ARSB: variants seen among roughly 807,000 people sequenced by gnomAD.
ARSB encodes the protein arylsulfatase B.
Under a neutral mutation model 50.9 loss-of-function variants are expected in ARSB, and 41 were observed. The ratio of observed to expected loss-of-function variants is 0.81; its 90% CI spans 0.63 to 1.04. The LOEUF (loss-of-function observed/expected upper bound fraction) is 1.04, where lower values mean the gene tolerates loss of function less well. Ranked by LOEUF, ARSB falls within the 50% of genes least tolerant of loss-of-function variation. ARSB has a pLI of 0.00. For missense variants in ARSB, 672 were observed against 693.3 expected (o/e 0.97, Z 0.35); for synonymous variants, 269 against 284.8 (o/e 0.94, Z 0.56).
intron 2 of ARSB, among the ~76,000 whole-genome samples, chr5:78,968,129 T>C (rs139386212): frequency 8.7e-4 from 132 of 152,008 alleles, no homozygotes; most frequent in African/African-American, 3.1e-3. Flanking sequence ...CCTCCTCATT[T>C]TCCTTTGTTT....
chr5:78,786,238 G>A (rs899296934), intron 6 of ARSB, among the ~76,000 whole-genome samples: 12 of 152,154 alleles, frequency 7.9e-5, no homozygotes, highest in Admixed American at 6.5e-5. Flanking sequence ...ATATAAATAG[G>A]ATCAGACAAT....
intron 5 of ARSB, among the ~76,000 whole-genome samples, chr5:78,851,724 C>G (rs1435611973): frequency 1.3e-5 from 2 of 152,188 alleles, no homozygotes; most frequent in Non-Finnish European, 2.9e-5. Context: ...TCAGGACTTG[C>G]TTTATGCATC....
chr5:78,810,963 A>C lies in ARSB; in HGVS notation c.1213+28393T>G, dbSNP rs181850374. On this transcript the variant is annotated intron_variant, in intron 6 of 7. Transcript: ENST00000264914. ...TAGCAATACAAGAAAAGTTAGGTAA[A>C]GTTTCTATAGAAAATTCAGATCCTA... Among the ~76,000 whole-genome samples, 77 of 152,366 alleles carry C rather than the reference A, an allele frequency of 5.1e-4. 2 individuals carry two copies. Among genetic ancestry groups the C allele is most frequent in the African/African-American group, 1.8e-3 (75 of 41,582 alleles).
At chr5:78,826,812 G>A (rs547016196) in intron 6 of ARSB, among the ~76,000 whole-genome samples, 90 of 152,188 alleles carry the variant, frequency 5.9e-4, no homozygotes, top group Non-Finnish European at 9.4e-4. Context: ...ATAAGTGAGA[G>A]AGATACTAAC....
intron 3 of ARSB, among the ~76,000 whole-genome samples, chr5:78,958,375 T>C (rs935695715): frequency 2.6e-5 from 4 of 152,058 alleles, no homozygotes; most frequent in Admixed American, 2.0e-4. Context: ...CAGCCAGCAA[T>C]TGATTACTAA....
chr5:78,841,168 C>CTACTACTACTACTAATAATAACAATAA (rs368030435), intron 5 of ARSB, among the ~76,000 whole-genome samples: 1 of 132,002 alleles, frequency 7.6e-6, no homozygotes, highest in Non-Finnish European at 1.6e-5. Context: ...ACTACTACTA[C>CTACTACTACTACTAATAATAACAATAA]TAATAATAAT....
At chr5:78,923,797 C>T (rs1749933014) in intron 4 of ARSB, among the ~76,000 whole-genome samples, 1 of 152,220 alleles carries the variant, frequency 6.6e-6, no homozygotes, top group Non-Finnish European at 1.5e-5. Flanking sequence ...TGAATAGGTT[C>T]AGCTCTGCTC....
At chr5:78,828,222 TTGTG>T (rs4021352) in intron 6 of ARSB, among the ~76,000 whole-genome samples, 1 of 151,470 alleles carries the variant, frequency 6.6e-6, no homozygotes, top group African/African-American at 2.5e-5. Flanking sequence ...GTGATTTTTT[TTGTG>T]TGTATTTTTA....
chr5:78,898,540 T>C (rs139493986), intron 4 of ARSB, among the ~76,000 whole-genome samples: 1 of 152,348 alleles, frequency 6.6e-6, no homozygotes, highest in African/African-American at 2.4e-5. Flanking sequence ...TTTAGCTTTA[T>C]ATAAAAAAAC....
chr5:78,956,411 T>G (rs891155342), intron 3 of ARSB, among the ~76,000 whole-genome samples: 1 of 152,096 alleles, frequency 6.6e-6, no homozygotes, highest in Admixed American at 6.5e-5. Flanking sequence ...CAAGGTTTTT[T>G]TGGGGGGATG....
intron 6 of ARSB, among the ~76,000 whole-genome samples, chr5:78,800,038 C>A (rs960983346): frequency 6.6e-6 from 1 of 152,178 alleles, no homozygotes; most frequent in Non-Finnish European, 1.5e-5. Context: ...AAAGTAGCGG[C>A]CAGTCGCGGT....
chr5:78,869,454 A>G (rs1467246842), intron 5 of ARSB, among the ~76,000 whole-genome samples: 1 of 127,358 alleles, frequency 7.9e-6, no homozygotes, highest in Non-Finnish European at 1.6e-5. Flanking sequence ...AGAAATTATA[A>G]CAAACTATCT....
intron 5 of ARSB, among the ~76,000 whole-genome samples, chr5:78,866,252 C>G (rs964372266): frequency 6.6e-6 from 1 of 152,194 alleles, no homozygotes; most frequent in Admixed American, 6.5e-5. Context: ...CAAGGAGGAG[C>G]CAGTCACGTT....
At chr5:78,931,939 T>A (rs563835690) in intron 4 of ARSB, among the ~76,000 whole-genome samples, 3 of 152,084 alleles carry the variant, frequency 2.0e-5, no homozygotes, top group Non-Finnish European at 2.9e-5. Flanking sequence ...CCTGCCACCA[T>A]GTAAGATGTG....
intron 5 of ARSB, among the ~76,000 whole-genome samples, chr5:78,880,268 T>G (rs144913831): frequency 1.3e-5 from 2 of 152,362 alleles, no homozygotes; most frequent in East Asian, 3.9e-4. Context: ...GGTTGAAATG[T>G]GCATTTGTAA....
In ARSB at chr5:78,969,135, G is replaced by A; in HGVS notation, c.370C>T (p.Leu124=). 1 of 1,614,172 alleles carries A rather than the reference G, an allele frequency of 6.2e-7. No homozygotes were observed. Among genetic ancestry groups the A allele is most frequent in the Non-Finnish European group, 8.5e-7 (1 of 1,180,028 alleles). ...AGCTGGGGCAGGAGTTTTTCATCCA[G>A]AGGAACACAGCTGGGCTGACAGGGC... The part of the protein sequence containing the change: ...IWPCQPSCVP[L]DEKLLPQLLK... The change falls in exon 2 of 8, where the codon CTG becomes TTG. Residue 124 remains leucine (L), a synonymous_variant. Coordinates refer to ENST00000264914, the MANE Select transcript of ARSB (RefSeq NM_000046.5).
intron 4 of ARSB, among the ~76,000 whole-genome samples, chr5:78,946,292 A>C (rs1751225417): frequency 6.6e-6 from 1 of 152,230 alleles, no homozygotes; most frequent in African/African-American, 2.4e-5. Flanking sequence ...ATTGGAAAGA[A>C]AGAAGTCAAA....
At chr5:78,969,251 G>T (rs1250621875) in intron 1 of ARSB, 59 bp from the exon 2 acceptor site, 1 of 1,579,218 alleles carries the variant, frequency 6.3e-7, no homozygotes, top group South Asian at 1.1e-5. Flanking sequence ...TGAACAAGCA[G>T]ATAAAATGGC....
chr5:78,927,347 G>C (rs1750101355), intron 4 of ARSB, among the ~76,000 whole-genome samples: 1 of 151,950 alleles, frequency 6.6e-6, no homozygotes, highest in African/African-American at 2.4e-5. Flanking sequence ...CATTTCAAAT[G>C]CTCAATAGCC....
Sources: allele counts gnomAD v4.1 joint callset (sites outside exome capture counted in the v4.1 genomes callset), GRCh38; gene constraint gnomAD v4.1.1; transcripts MANE v1.5; gene names NCBI Gene and HGNC (gene_info 2026-07-23, HGNC 2026-07-21).